The following PHACTR1 variants were observed in gnomAD, a reference collection of about 807,000 sequenced individuals.
PHACTR1 encodes phosphatase and actin regulator 1, also known as RPEL repeat containing 1.
A neutral mutation model predicts 69.2 loss-of-function variants in PHACTR1; 16 were observed. The observed-to-expected ratio is 0.23, with a 90% CI of 0.16 to 0.35. The LOEUF is 0.35. Ranked by LOEUF, PHACTR1 falls within the 10% of genes least tolerant of loss-of-function variation. The pLI is 1.00. For synonymous variants in PHACTR1, 312 were observed against 284.5 expected, an observed-to-expected ratio of 1.10 and a Z score of -0.97; for missense variants, 510 against 734.7, an observed-to-expected ratio of 0.69 and a Z score of 3.54.
chr6:12,902,463 C>T (rs1205437819), intron 4 of PHACTR1, among the ~76,000 whole-genome samples: 1 of 152,118 alleles, frequency 6.6e-6, no homozygotes, highest in African/African-American at 2.4e-5. Context: ...TCCCAACAAT[C>T]TTCCCCTTAC....
At chr6:12,957,608 A>G in intron 4 of PHACTR1, 4 of 985,600 alleles carry the variant, frequency 4.1e-6, no homozygotes, top group Non-Finnish European at 4.8e-6. Context: ...GAGTACCCGC[A>G]GGTCACACCC....
Position 13,053,258 on chromosome 6 carries a change from G to A in PHACTR1, c.251-107G>A, listed in dbSNP as rs78027265. 6.9e-3 allele frequency: 8,058 copies of A among 1,164,108 alleles called. 416 individuals carry two copies. The African/African-American group carries it at 0.11, about 16-fold the overall frequency. The allele number at this position is 1,164,108 out of a possible 1,614,324, so 72.1% of individuals were successfully genotyped here. ...AAAGGCAAAGAGAAACTCTAGTCAC[G>A]TGGTTTCTGTTATCTGTAACCATGG... On this transcript the variant is annotated intron_variant, in intron 4 of 14. Transcript: ENST00000332995.
At chr6:12,862,292 G>A (rs975321151) in intron 4 of PHACTR1, among the ~76,000 whole-genome samples, 1 of 152,178 alleles carries the variant, frequency 6.6e-6, no homozygotes, top group Non-Finnish European at 1.5e-5. Context: ...GGCCAATGTT[G>A]GTGAGTCCTG....
chr6:13,273,529 G>A (rs1778199038), intron 11 of PHACTR1: 1 of 152,004 alleles, frequency 6.6e-6, no homozygotes. Flanking sequence ...AAAAATAAAT[G>A]AGCCCCTTGT....
At chr6:12,844,543 G>A (rs13194950) in intron 4 of PHACTR1, among the ~76,000 whole-genome samples, 10,890 of 152,222 alleles carry the variant, frequency 0.072, 438 homozygotes, top group Middle Eastern at 0.11. Flanking sequence ...ATGCGTACAG[G>A]ACACTGAGGT....
intron 5 of PHACTR1, among the ~76,000 whole-genome samples, chr6:13,156,583 G>T (rs894971372): frequency 6.6e-6 from 1 of 152,202 alleles, no homozygotes; most frequent in African/African-American, 2.4e-5. Context: ...ATCTGGCATA[G>T]TCTGTGCCAC....
chr6:13,248,024 G>A (rs1292013235), intron 10 of PHACTR1, among the ~76,000 whole-genome samples: 7 of 152,148 alleles, frequency 4.6e-5, no homozygotes, highest in South Asian at 2.1e-4. Flanking sequence ...TCAATTACTC[G>A]GCACTGCCTT....
Position 13,272,856 on chromosome 6 carries a change from G to A in PHACTR1, c.1392-4G>A, listed in dbSNP as rs185255302. The A allele has an allele frequency of 2.3e-3, 3,724 of 1,614,048 alleles. 34 individuals are homozygous for A. Among genetic ancestry groups the A allele is most frequent in the Middle Eastern group, 0.019 (117 of 6,062 alleles). ...CAAAAACTTTTCCTGGATTTTTTCC[G>A]TAGGCGGCTGAGCCAGAGGCCAACT... On this transcript the variant is annotated splice_polypyrimidine_tract_variant and splice_region_variant and intron_variant, in intron 10 of 14. Coordinates refer to ENST00000332995, the MANE Select transcript of PHACTR1 (RefSeq NM_030948.6).
At chr6:13,240,506 G>A (rs61020658) in intron 10 of PHACTR1, among the ~76,000 whole-genome samples, 3,118 of 151,998 alleles carry the variant, frequency 0.021, 87 homozygotes, top group East Asian at 0.095. Flanking sequence ...GTGCAGTGGC[G>A]CAATCTTGGC....
At chr6:13,002,205 G>A (rs936875308) in intron 4 of PHACTR1, among the ~76,000 whole-genome samples, 2 of 152,132 alleles carry the variant, frequency 1.3e-5, no homozygotes, top group African/African-American at 4.8e-5. Flanking sequence ...ACAACACTCT[G>A]TCTCAGGTAA....
At chr6:13,212,738 C>T (rs1364588754) in intron 8 of PHACTR1, among the ~76,000 whole-genome samples, 3 of 152,132 alleles carry the variant, frequency 2.0e-5, no homozygotes, top group Admixed American at 6.5e-5. Context: ...TCGGACGTGC[C>T]GGACACCTCC....
intron 4 of PHACTR1, among the ~76,000 whole-genome samples, chr6:12,759,451 A>C (rs1767777575): frequency 6.6e-6 from 1 of 151,850 alleles, no homozygotes; most frequent in South Asian, 2.1e-4. Flanking sequence ...GCAAAAAAAA[A>C]AAAAATCCTA....
chr6:13,050,694 A>G (rs1340117225), intron 4 of PHACTR1, among the ~76,000 whole-genome samples: 4 of 152,150 alleles, frequency 2.6e-5, no homozygotes, highest in African/African-American at 9.7e-5. Flanking sequence ...CTAACCCCTA[A>G]AAAGCCTTTG....
At chr6:12,985,249 T>A (rs1268675236) in intron 4 of PHACTR1, among the ~76,000 whole-genome samples, 2 of 140,012 alleles carry the variant, frequency 1.4e-5, no homozygotes, top group African/African-American at 5.9e-5. Context: ...TTTCTATGGT[T>A]CAATTTTCTC....
chr6:12,919,413 G>A (rs745575048), intron 4 of PHACTR1, among the ~76,000 whole-genome samples: 5 of 152,060 alleles, frequency 3.3e-5, no homozygotes, highest in Non-Finnish European at 7.4e-5. Flanking sequence ...AGTGCTGGGA[G>A]TACAGGCATG....
intron 5 of PHACTR1, among the ~76,000 whole-genome samples, chr6:13,058,806 C>T (rs1210443505): frequency 1.3e-5 from 2 of 152,054 alleles, no homozygotes; most frequent in Non-Finnish European, 2.9e-5. Context: ...GGTGAGCCGT[C>T]TAGGAGAGCG....
chr6:13,086,751 A>G (rs1348449388), intron 5 of PHACTR1, among the ~76,000 whole-genome samples: 3 of 152,104 alleles, frequency 2.0e-5, no homozygotes, highest in Non-Finnish European at 2.9e-5. Flanking sequence ...GGTTTAGGCT[A>G]TTATGTACAT....
intron 14 of PHACTR1, 102 bp from the exon 15 acceptor site, chr6:13,286,961 C>G: frequency 7.8e-7 from 1 of 1,285,068 alleles, no homozygotes; most frequent in South Asian, 1.3e-5. Context: ...GCTCGCACCT[C>G]CCTCTCACGG....
intron 4 of PHACTR1, among the ~76,000 whole-genome samples, chr6:12,839,327 TG>T (rs1232912895): frequency 2.0e-5 from 3 of 152,180 alleles, no homozygotes; most frequent in African/African-American, 7.2e-5. Context: ...CTCCTGTACT[TG>T]CCCCATCCTT....
Sources: allele counts gnomAD v4.1 joint callset (sites outside exome capture counted in the v4.1 genomes callset), GRCh38; gene constraint gnomAD v4.1.1; transcripts MANE v1.5; gene names NCBI Gene and HGNC (gene_info 2026-07-23, HGNC 2026-07-21).